Variants in DMD observed in about 807,000 individuals in gnomAD.
DMD encodes the protein mutant dystrophin.
A neutral mutation model predicts 330.1 loss-of-function variants in DMD; 63 were observed. The observed-to-expected ratio is 0.19, with a 90% CI of 0.16 to 0.24. The LOEUF is 0.24. Ranked by LOEUF, DMD falls within the 10% of genes least tolerant of loss-of-function variation. The pLI, the probability that DMD is intolerant of heterozygous loss-of-function variation, is 1.00. For missense variants in DMD, 3,344 were observed against 2,684.1 expected (o/e 1.25, Z -5.43); for synonymous variants, 1,223 against 959.8 (o/e 1.27, Z -5.07).
intron 60 of DMD, among the ~76,000 whole-genome samples, chrX:31,371,294 T>G (rs2059555494): frequency 9.0e-6 from 1 of 111,237 alleles, no homozygotes; most frequent in Non-Finnish European, 1.9e-5. Flanking sequence ...TTCATCAGAT[T>G]AGTTATATTG....
At chrX:32,771,509 C>A (rs1251333706) in intron 7 of DMD, among the ~76,000 whole-genome samples, 1 of 110,353 alleles carries the variant, frequency 9.1e-6, no homozygotes, top group Non-Finnish European at 1.9e-5. Context: ...TTAATACACA[C>A]ACACACACAC....
intron 2 of DMD, among the ~76,000 whole-genome samples, chrX:32,915,244 C>A (rs1238386681): frequency 9.0e-6 from 1 of 111,200 alleles, no homozygotes; most frequent in Non-Finnish European, 1.9e-5. Context: ...AAGGATGAGG[C>A]CAGAGAACAT....
chrX:32,437,165 G>C (rs778730514), intron 29 of DMD, among the ~76,000 whole-genome samples: 6 of 111,884 alleles, frequency 5.4e-5, no homozygotes, highest in Admixed American at 1.9e-4. Flanking sequence ...TCCAGCAATA[G>C]TGCAACAATG....
chrX:31,511,338 T>TTATTA (rs2071546765), intron 55 of DMD, among the ~76,000 whole-genome samples: 1 of 104,347 alleles, frequency 9.6e-6, no homozygotes, highest in East Asian at 2.9e-4. Context: ...ATTTATTTAT[T>TTATTA]ATTATTATTA....
chrX:32,861,757 G>A (rs966037150), intron 2 of DMD, among the ~76,000 whole-genome samples: 11 of 111,577 alleles, frequency 9.9e-5, no homozygotes, highest in Non-Finnish European at 2.1e-4. Flanking sequence ...TAGCCAGAGG[G>A]CAAAGGAGCC....
At chrX:33,128,376 C>T in intron 1 of DMD, 1 of 1,019,317 alleles carries the variant, frequency 9.8e-7, no homozygotes, top group East Asian at 3.6e-5. Context: ...TCTTCCACTC[C>T]GGTTGCCGTG....
chrX:31,347,436 C>T (rs865891871), intron 61 of DMD, among the ~76,000 whole-genome samples: 6 of 111,451 alleles, frequency 5.4e-5, no homozygotes, highest in Middle Eastern at 4.6e-3. Flanking sequence ...ATCTATCATT[C>T]TATTCTATGT....
chrX:32,263,416 T>C (rs899303529), intron 43 of DMD, among the ~76,000 whole-genome samples: 20 of 112,408 alleles, frequency 1.8e-4, no homozygotes, highest in Non-Finnish European at 2.8e-4. Context: ...AATAAATCCA[T>C]TCAGCATTTC....
chrX:32,123,436 T>A (rs988504680), intron 44 of DMD, among the ~76,000 whole-genome samples: 2 of 106,440 alleles, frequency 1.9e-5, no homozygotes, highest in Non-Finnish European at 3.9e-5. Flanking sequence ...TTTCTAACCA[T>A]CCCCGTGATG....
Position 31,773,975 on chromosome X carries a change from C to T in DMD, c.7527G>A (p.Met2509Ile). ...MVGDLEDINEMIIKQKATMQD... is the reference protein window; with the variant it reads ...MVGDLEDINEIIIKQKATMQD... ...TTTCTCATACCTTCTGCTTGATGAT[C>T]ATCTCGTTGATATCCTCAAGGTCAC... The change falls in exon 51 of 79, where the codon ATG becomes ATA. Residue 2509 changes from methionine (M) to isoleucine (I), a missense_variant. Met to Ile is a conservative substitution (Grantham distance 10, BLOSUM62 1). Coordinates refer to ENST00000357033, the MANE Select transcript of DMD (RefSeq NM_004006.3). 1 of 1,206,714 alleles carries T rather than the reference C, an allele frequency of 8.3e-7. No homozygotes were observed. Among genetic ancestry groups the T allele is most frequent in the Non-Finnish European group, 1.1e-6 (1 of 892,193 alleles).
chrX:32,327,401 G>T (rs903534653), intron 41 of DMD, among the ~76,000 whole-genome samples: 1 of 110,623 alleles, frequency 9.0e-6, no homozygotes, highest in Admixed American at 9.7e-5. Flanking sequence ...TGTGTTGCAG[G>T]TAAATTAAAA....
At chrX:32,733,358 A>G (rs895990691) in intron 7 of DMD, among the ~76,000 whole-genome samples, 1 of 109,707 alleles carries the variant, frequency 9.1e-6, no homozygotes, top group African/African-American at 3.4e-5. Flanking sequence ...GATCAACGAG[A>G]CAGAAAGCCA....
At chrX:31,530,134 G>T (rs1291911326) in intron 55 of DMD, among the ~76,000 whole-genome samples, 5 of 111,698 alleles carry the variant, frequency 4.5e-5, no homozygotes, top group African/African-American at 1.6e-4. Flanking sequence ...AAATGGCTTT[G>T]TGGGGCTCCC....
intron 51 of DMD, among the ~76,000 whole-genome samples, chrX:31,734,507 T>C (rs1348218798): frequency 3.6e-5 from 4 of 111,632 alleles, no homozygotes; most frequent in Admixed American, 1.9e-4. Flanking sequence ...TCCTTAGTCT[T>C]TTTTAAGTTG....
chrX:32,215,657 A>G (rs983838864), intron 44 of DMD, among the ~76,000 whole-genome samples: 1 of 111,742 alleles, frequency 8.9e-6, no homozygotes, highest in Non-Finnish European at 1.9e-5. Context: ...TGAAAATGGC[A>G]AGTGGTTTCT....
intron 9 of DMD, among the ~76,000 whole-genome samples, chrX:32,674,422 G>T (rs1267169065): frequency 8.9e-6 from 1 of 111,780 alleles, no homozygotes; most frequent in Non-Finnish European, 1.9e-5. Context: ...TATGAAGGGT[G>T]TATAGCAATG....
intron 47 of DMD, among the ~76,000 whole-genome samples, chrX:31,921,839 C>G (rs1420564557): frequency 1.8e-5 from 2 of 111,638 alleles, no homozygotes; most frequent in Admixed American, 1.9e-4. Flanking sequence ...AATTCATAAT[C>G]TCATCATTAA....
chrX:32,448,594 G>A lies in DMD; in HGVS notation c.3648C>T (p.Leu1216=), dbSNP rs1485546956. ...TGACACTATTTACAGACTCAGTAAG[G>A]AGTTTCACTTTCGCTTCTTTTTGTT... The part of the protein sequence containing the change: ...EAQQKEAKVK[L]LTESVNSVIA... Residue 1216 remains leucine (L), a synonymous_variant, in exon 27 of 79, where the codon CTC becomes CTT. Coordinates refer to ENST00000357033, the MANE Select transcript of DMD (RefSeq NM_004006.3). 5.0e-6 allele frequency: 6 copies of A among 1,206,395 alleles called. No homozygotes were observed. Among genetic ancestry groups the A allele is most frequent in the Non-Finnish European group, 6.7e-6 (6 of 892,856 alleles).
intron 1 of DMD, among the ~76,000 whole-genome samples, chrX:33,139,898 G>A (rs1388523060): frequency 2.1e-5 from 2 of 93,803 alleles, no homozygotes; most frequent in African/African-American, 9.4e-5. Flanking sequence ...AAAAAAAAAT[G>A]TCTAATCAAA....
Sources: allele counts gnomAD v4.1 joint callset (sites outside exome capture counted in the v4.1 genomes callset), GRCh38; gene constraint gnomAD v4.1.1; transcripts MANE v1.5; gene names NCBI Gene and HGNC (gene_info 2026-07-23, HGNC 2026-07-21).